Variants in DNAJC6 observed in about 807,000 individuals in gnomAD.
DNAJC6 encodes the protein DnaJ heat shock protein family (Hsp40) member C6, also known as auxilin.
In DNAJC6, 34 loss-of-function variants were observed where a neutral mutation model predicts 110.0. That is an observed-to-expected ratio of 0.31 (90% CI 0.24 to 0.41). DNAJC6 has a LOEUF of 0.41. Among genes scored for constraint, DNAJC6 ranks in the 10% least tolerant of loss-of-function variants. DNAJC6 has a pLI of 1.00. For synonymous variants in DNAJC6, 406 were observed against 437.2 expected, an observed-to-expected ratio of 0.93 and a Z score of 0.89; for missense variants, 1,031 against 1,207.8, an observed-to-expected ratio of 0.85 and a Z score of 2.17.
intron 1 of DNAJC6, among the ~76,000 whole-genome samples, chr1:65,289,645 C>T (rs934568262): frequency 4.6e-5 from 7 of 152,114 alleles, no homozygotes; most frequent in Non-Finnish European, 1.5e-5. Context: ...ATGACCAGCA[C>T]TTTTATCTAG....
chr1:65,297,079 T>A (rs1011187753), intron 1 of DNAJC6, among the ~76,000 whole-genome samples: 4 of 152,210 alleles, frequency 2.6e-5, no homozygotes, highest in African/African-American at 4.8e-5. Flanking sequence ...TAAAATGATA[T>A]CAAACGTGGT....
intron 1 of DNAJC6, among the ~76,000 whole-genome samples, chr1:65,335,533 G>T (rs930759168): frequency 4.6e-5 from 7 of 152,162 alleles, no homozygotes; most frequent in Non-Finnish European, 1.0e-4. Flanking sequence ...CATATAGGGT[G>T]ATCAGGAAAG....
chr1:65,312,031 T>A (rs1645106229), intron 1 of DNAJC6, among the ~76,000 whole-genome samples: 1 of 152,204 alleles, frequency 6.6e-6, no homozygotes, highest in Non-Finnish European at 1.5e-5. Flanking sequence ...TAAATCAGAC[T>A]TTTTTAATAG....
intron 1 of DNAJC6, among the ~76,000 whole-genome samples, chr1:65,337,454 CT>C (rs1195184070): frequency 1.3e-5 from 2 of 151,922 alleles, no homozygotes; most frequent in Non-Finnish European, 2.9e-5. Flanking sequence ...AGTAGGTCCC[CT>C]ATCCTTCTCT....
chr1:65,264,922 T>G (rs148507710), exon 1 of DNAJC6: 1 of 1,613,294 alleles, frequency 6.2e-7, no homozygotes, highest in South Asian at 1.1e-5. Flanking sequence ...TGAAAGATTC[T>G]GAAAATAAAG....
intron 1 of DNAJC6, among the ~76,000 whole-genome samples, chr1:65,286,437 G>A (rs1654022105): frequency 6.6e-6 from 1 of 152,080 alleles, no homozygotes; most frequent in Non-Finnish European, 1.5e-5. Context: ...TGTGGAGACA[G>A]GGTCTCACTT....
rs935492648 is a variant in DNAJC6, at chr1:65,395,485, T to A, written c.2038+453T>A. 5.3e-5 allele frequency among the ~76,000 whole-genome samples: 8 copies of A among 152,262 alleles called. No homozygotes were observed. The East Asian group carries it at 1.2e-3, about 22-fold the overall frequency. ...AAATTGGTATTCCAAAGAACAAAGT[T>A]TGGGATATGATAGCCACTAGTTACG... On this transcript the variant is annotated intron_variant, in intron 13 of 18. Transcript: ENST00000371069.
At chr1:65,399,024 A>AG in intron 14 of DNAJC6, 143 bp downstream of exon 14, 1 of 810,642 alleles carries the variant, frequency 1.2e-6, no homozygotes. Context: ...ATTCTAGAAG[A>AG]GCTTTTCCCA....
intron 1 of DNAJC6, among the ~76,000 whole-genome samples, chr1:65,301,752 G>C (rs1280797897): frequency 1.3e-5 from 2 of 152,034 alleles, no homozygotes. Flanking sequence ...GACTTCATTG[G>C]GTAGGCATGA....
chr1:65,384,932 A>T (rs1328402169), intron 6 of DNAJC6, among the ~76,000 whole-genome samples: 1 of 152,210 alleles, frequency 6.6e-6, no homozygotes, highest in East Asian at 1.9e-4. Flanking sequence ...CTTATATCCA[A>T]CTTCCCTCAT....
intron 1 of DNAJC6, among the ~76,000 whole-genome samples, chr1:65,303,381 A>G (rs1233375957): frequency 6.6e-6 from 1 of 152,246 alleles, no homozygotes; most frequent in African/African-American, 2.4e-5. Context: ...AAGTTTTTTA[A>G]CATATTAACA....
At chr1:65,283,860 A>G (rs528571112) in intron 1 of DNAJC6, among the ~76,000 whole-genome samples, 1 of 152,238 alleles carries the variant, frequency 6.6e-6, no homozygotes, top group South Asian at 2.1e-4. Context: ...GTGGGTGTGT[A>G]GTGATACATT....
intron 1 of DNAJC6, chr1:65,279,745 A>C (rs1209403074): frequency 6.6e-6 from 1 of 152,200 alleles, no homozygotes; most frequent in Non-Finnish European, 1.5e-5. Context: ...TCTTTCCAGT[A>C]GTAGCTTCCT....
intron 5 of DNAJC6, 68 bp downstream of exon 5, chr1:65,379,592 T>C: frequency 1.9e-6 from 3 of 1,565,874 alleles, no homozygotes; most frequent in Non-Finnish European, 8.7e-7. Flanking sequence ...CTGTACACAA[T>C]GGTAGACAGG....
chr1:65,400,936 A>G (rs987431448), intron 14 of DNAJC6, among the ~76,000 whole-genome samples: 4 of 152,192 alleles, frequency 2.6e-5, no homozygotes, highest in African/African-American at 7.2e-5. Context: ...GTACTAATTT[A>G]CATTCCCACC....
chr1:65,327,709 A>G (rs1645253607), intron 1 of DNAJC6, among the ~76,000 whole-genome samples: 1 of 152,208 alleles, frequency 6.6e-6, no homozygotes, highest in Non-Finnish European at 1.5e-5. Flanking sequence ...ATAATTATTT[A>G]TAATAGAAAA....
At chr1:65,335,642 C>G (rs1645329359) in intron 1 of DNAJC6, among the ~76,000 whole-genome samples, 1 of 152,040 alleles carries the variant, frequency 6.6e-6, no homozygotes, top group Admixed American at 6.6e-5. Context: ...AGTGCAAAGG[C>G]CCTGAGGGAA....
In DNAJC6 at chr1:65,384,256, A is replaced by T; in HGVS notation, c.730A>T (p.Thr244Ser). 1 of 1,586,602 alleles carries T rather than the reference A, an allele frequency of 6.3e-7. No individual in the cohort carries two copies. The highest frequency in any genetic ancestry group is 8.6e-7 in the Non-Finnish European group (1 of 1,168,186). The stretch of plus-strand genomic sequence containing the variant: ...GTTCATTTTCTGTAATCTCTACTCT[A>T]CTCCTGGCCCAGCCATTCGATTGCT... The part of the protein sequence containing the change: ...AMFIFCNLYS[T>S]PGPAIRLLYA... Residue 244 changes from threonine to serine, a missense_variant, in exon 6 of 19, where the codon ACT (threonine) becomes TCT (serine). Physicochemically the swap from Thr to Ser is moderately conservative, Grantham distance 58 (BLOSUM62 1). Coordinates refer to ENST00000371069, the MANE Select transcript of DNAJC6 (RefSeq NM_001256864.2).
At chr1:65,394,700 T>C (rs1194938646) in intron 12 of DNAJC6, among the ~76,000 whole-genome samples, 198 bp from the exon 13 acceptor site, 1 of 152,234 alleles carries the variant, frequency 6.6e-6, no homozygotes, top group Non-Finnish European at 1.5e-5. Context: ...TCCTAACAAC[T>C]GCTGGGCAGA....
Sources: allele counts gnomAD v4.1 joint callset (sites outside exome capture counted in the v4.1 genomes callset), GRCh38; gene constraint gnomAD v4.1.1; transcripts MANE v1.5; gene names NCBI Gene and HGNC (gene_info 2026-07-23, HGNC 2026-07-21).